Variants in ACTR1A observed in about 807,000 individuals in gnomAD.
ACTR1A encodes alpha-centractin.
In ACTR1A, 10 loss-of-function variants were observed where a neutral mutation model predicts 50.7. The ratio of observed to expected loss-of-function variants is 0.20; its 90% CI spans 0.12 to 0.33. ACTR1A has a LOEUF of 0.33. Ranked by LOEUF, ACTR1A falls within the 10% of genes least tolerant of loss-of-function variation. The probability of loss-of-function intolerance (pLI) is 1.00; values close to 1 mark genes in which losing one functional copy is unlikely to be tolerated. For missense variants in ACTR1A, 253 were observed against 491.7 expected (o/e 0.51, Z 4.59); for synonymous variants, 177 against 184.2 (o/e 0.96, Z 0.32).
chr10:102,481,008 G>A (rs1366732677), intron 10 of ACTR1A, 43 bp from the exon 11 acceptor site: 1 of 1,583,990 alleles, frequency 6.3e-7, no homozygotes, highest in South Asian at 1.1e-5. Context: ...GAGAGAAGTG[G>A]CTGTGTGTGG....
rs766099618 is a variant in ACTR1A, at chr10:102,502,657, ATC to A, written c.-12_-11del. 2 of 1,614,184 alleles carry A rather than the reference ATC, an allele frequency of 1.2e-6. No individual in the cohort carries two copies. The highest frequency in any genetic ancestry group is 1.7e-6 in the Non-Finnish European group (2 of 1,179,996). On this transcript the variant is annotated 5_prime_UTR_variant, in exon 1 of 11. Transcript: ENST00000369905. ...CATCGTAGGACTCCATGGCAGAGGAATCTCTCCTTCTGGGGAAGGAACTGCCC... is the reference window on the plus strand; with the variant it reads ...CATCGTAGGACTCCATGGCAGAGGAATCTCCTTCTGGGGAAGGAACTGCCC...
intron 1 of ACTR1A, among the ~76,000 whole-genome samples, chr10:102,495,056 C>A (rs1384047429): frequency 6.6e-6 from 1 of 151,996 alleles, no homozygotes; most frequent in Non-Finnish European, 1.5e-5. Context: ...AGTGATCCAC[C>A]CGCCTTGGCC....
chr10:102,481,105 G>C (rs374303561), intron 10 of ACTR1A, 27 bp downstream of exon 10: 3 of 1,606,160 alleles, frequency 1.9e-6, no homozygotes, highest in Non-Finnish European at 2.6e-6. Flanking sequence ...TTCCTGTTCT[G>C]TTCTTACTCC....
At chr10:102,486,353 G>A (rs1385745985) in intron 4 of ACTR1A, among the ~76,000 whole-genome samples, 7 of 152,118 alleles carry the variant, frequency 4.6e-5, no homozygotes, top group Non-Finnish European at 1.0e-4. Context: ...CAAGAAACTA[G>A]TCCCTGGTGC....
rs368100209 is a variant in ACTR1A, at chr10:102,498,981, TAA to T, written c.48+3617_48+3618del. Among the ~76,000 whole-genome samples the T allele has an allele frequency of 6.5e-3, 993 of 152,302 alleles. 6 individuals carry two copies. Among genetic ancestry groups the T allele is most frequent in the Non-Finnish European group, 9.0e-3 (612 of 68,034 alleles). On this transcript the variant is annotated intron_variant, in intron 1 of 10. Transcript: ENST00000369905. ...ATACCTATCACTTTATTGTTGTCAT[TAA>T]AGCACACACCTACCTGCCCCTCCAT...
Position 102,484,295 on chromosome 10 carries a change from A to G in ACTR1A, c.522T>C (p.Phe174=). ...TGCGCATGATGGAGTGGGGCATGGCAAAGCCCTCATAGATGGGCACAGCAT... is the reference window on the plus strand; with the variant it reads ...TGCGCATGATGGAGTGGGGCATGGCGAAGCCCTCATAGATGGGCACAGCAT... ...VTHAVPIYEG[F]AMPHSIMRID... is the part of the protein sequence containing the mutation. Residue 174 remains phenylalanine, a synonymous_variant, in exon 6 of 11, where the codon TTT becomes TTC. Coordinates refer to ENST00000369905, the MANE Select transcript of ACTR1A (RefSeq NM_005736.4). 1 of 1,614,206 alleles carries G rather than the reference A, an allele frequency of 6.2e-7. No individual in the cohort carries two copies. Among genetic ancestry groups the G allele is most frequent in the Non-Finnish European group, 8.5e-7 (1 of 1,180,034 alleles).
At chr10:102,486,444 C>T (rs1200051611) in intron 4 of ACTR1A, among the ~76,000 whole-genome samples, 1 of 152,080 alleles carries the variant, frequency 6.6e-6, no homozygotes, top group Non-Finnish European at 1.5e-5. Flanking sequence ...AATCCCAGCA[C>T]CTTGGGAGGC....
Position 102,481,822 on chromosome 10 carries a change from C to T in ACTR1A, c.987+15G>A. The T allele has an allele frequency of 1.2e-6, 2 of 1,612,156 alleles. No individual in the cohort carries two copies. Among genetic ancestry groups the T allele is most frequent in the Non-Finnish European group, 8.5e-7 (1 of 1,179,980 alleles). On this transcript the variant is annotated intron_variant, in intron 9 of 10. Coordinates refer to ENST00000369905, the MANE Select transcript of ACTR1A (RefSeq NM_005736.4). ...AGCCTAGTTCCACCCAGGCCAGGCCCCACCATGCTCCTACCCTGATCTTCA... is the reference window on the plus strand; with the variant it reads ...AGCCTAGTTCCACCCAGGCCAGGCCTCACCATGCTCCTACCCTGATCTTCA...
At chr10:102,481,789 T>C (rs373921049) in intron 9 of ACTR1A, 48 bp downstream of exon 9, 88 of 1,603,258 alleles carry the variant, frequency 5.5e-5, no homozygotes, top group Non-Finnish European at 7.0e-5. Flanking sequence ...TGGCACTCTG[T>C]CCATGGAAGC....
Position 102,479,811 on chromosome 10 carries a change from T to A in ACTR1A, c.*1052A>T, listed in dbSNP as rs1421387310. 1 of 536,136 alleles carries A rather than the reference T, an allele frequency of 1.9e-6. No homozygotes were observed. The highest frequency in any genetic ancestry group is 2.0e-5 in the African/African-American group (1 of 49,872). The allele number at this position is 536,136 out of a possible 1,614,324, so 33.2% of individuals were successfully genotyped here. A position where few individuals can be genotyped will look rare whatever the true frequency, so the allele number is the denominator to read the frequency against. On this transcript the variant is annotated 3_prime_UTR_variant, in exon 11 of 11. Coordinates refer to ENST00000369905, the MANE Select transcript of ACTR1A (RefSeq NM_005736.4). This position sits in a 1 kb window ranked among gnomAD's most constrained non-coding sequence, Gnocchi z 4.0. Reference sequence around the variant, plus strand: ...CTTAGGGGCCTCTGCCAAAGAAAAATTTTACCTCCTGTTTCAGAAAATCTA... The same window carrying A: ...CTTAGGGGCCTCTGCCAAAGAAAAAATTTACCTCCTGTTTCAGAAAATCTA...
At chr10:102,500,873 G>C (rs2062247485) in intron 1 of ACTR1A, among the ~76,000 whole-genome samples, 1 of 151,846 alleles carries the variant, frequency 6.6e-6, no homozygotes, top group Non-Finnish European at 1.5e-5. Flanking sequence ...AGGAGTTTGA[G>C]ACCAGCCTGG....
intron 1 of ACTR1A, among the ~76,000 whole-genome samples, chr10:102,501,162 G>A (rs190588800): frequency 3.6e-4 from 55 of 152,050 alleles, no homozygotes; most frequent in African/African-American, 1.1e-3. Flanking sequence ...AATACCCATG[G>A]AGAGAAGGAA....
At chr10:102,490,349 A>C (rs1006626855) in intron 2 of ACTR1A, among the ~76,000 whole-genome samples, 200 bp downstream of exon 2, 3 of 152,080 alleles carry the variant, frequency 2.0e-5, no homozygotes, top group Admixed American at 2.0e-4. Context: ...CAAAGCAATA[A>C]GTTACCAATG....
chr10:102,491,804 C>T (rs1248160873), intron 1 of ACTR1A, among the ~76,000 whole-genome samples: 1 of 152,176 alleles, frequency 6.6e-6, no homozygotes, highest in Non-Finnish European at 1.5e-5. Context: ...CTCGCTCTGT[C>T]GCCCAGGCTG....
At chr10:102,495,803 C>T (rs1256209025) in intron 1 of ACTR1A, among the ~76,000 whole-genome samples, 1 of 143,154 alleles carries the variant, frequency 7.0e-6, no homozygotes, top group East Asian at 2.1e-4. Context: ...CTCTGTCGCC[C>T]AGGCTGGAGT....
At chr10:102,494,746 A>G (rs1404745782) in intron 1 of ACTR1A, among the ~76,000 whole-genome samples, 1 of 152,114 alleles carries the variant, frequency 6.6e-6, no homozygotes, top group Non-Finnish European at 1.5e-5. Context: ...GCTTGAGGCC[A>G]AGAGTTCGAG....
rs559254200 is a variant in ACTR1A at position 102,496,997 on chromosome 10, G to T, written c.48+5603C>A. ...AGTTCGAGACCAGCCTGGCCAACAT[G>T]GCAAAACCCCGTCTCTACTAAAAAT... On this transcript the variant is annotated intron_variant, in intron 1 of 10. Coordinates refer to ENST00000369905, the MANE Select transcript of ACTR1A (RefSeq NM_005736.4). 3.3e-5 allele frequency among the ~76,000 whole-genome samples: 5 copies of T among 152,074 alleles called. No homozygotes were observed. In the South Asian group the frequency reaches 1.0e-3, roughly 32 times the overall value.
At position 102,480,841 on chromosome 10, in the gene ACTR1A, A is replaced by T; in HGVS notation, c.*22T>A. Reference sequence around the variant, plus strand: ...TTAAAGTGGAGTTAACTTCAGAGAGAGGTGAAGATGATGTCCCGACATTAG... The same window carrying T: ...TTAAAGTGGAGTTAACTTCAGAGAGTGGTGAAGATGATGTCCCGACATTAG... On this transcript the variant is annotated 3_prime_UTR_variant, in exon 11 of 11. Coordinates refer to ENST00000369905, the MANE Select transcript of ACTR1A (RefSeq NM_005736.4). The T allele has an allele frequency of 1.3e-6, 2 of 1,569,350 alleles. No individual in the cohort carries two copies. Among genetic ancestry groups the T allele is most frequent in the Non-Finnish European group, 1.8e-6 (2 of 1,139,856 alleles).
At chr10:102,497,652 ATT>A (rs11333978) in intron 1 of ACTR1A, among the ~76,000 whole-genome samples, 1 of 150,380 alleles carries the variant, frequency 6.6e-6, no homozygotes, top group African/African-American at 2.4e-5. Context: ...AAGGAGCACA[ATT>A]TTTTTTTTTA....
Sources: gnomAD v4.1 joint callset for allele counts (sites outside exome capture counted in the v4.1 genomes callset) on GRCh38, gnomAD v4.1.1 for gene constraint, Gnocchi (gnomAD v3.1) non-coding constraint, MANE v1.5 for transcripts, NCBI Gene and HGNC (gene_info 2026-07-23, HGNC 2026-07-21) for gene names.